ARHGAP12: variants seen among roughly 807,000 people sequenced by gnomAD.
The protein encoded by ARHGAP12 is Rho GTPase activating protein 12.
A neutral mutation model predicts 108.6 loss-of-function variants in ARHGAP12; 64 were observed. The ratio of observed to expected loss-of-function variants is 0.59; its 90% CI spans 0.48 to 0.73. The LOEUF (loss-of-function observed/expected upper bound fraction) is 0.73, where lower values mean the gene tolerates loss of function less well. Among genes scored for constraint, ARHGAP12 ranks in the 30% least tolerant of loss-of-function variants. The pLI, the probability that ARHGAP12 is intolerant of heterozygous loss-of-function variation, is 0.00. For missense variants in ARHGAP12, 940 were observed against 1,005.9 expected, an observed-to-expected ratio of 0.93 and a Z score of 0.89; for synonymous variants, 312 against 337.2, an observed-to-expected ratio of 0.93 and a Z score of 0.82.
chr10:31,845,375 A>G (rs1333461585), intron 6 of ARHGAP12, among the ~76,000 whole-genome samples: 1 of 152,184 alleles, frequency 6.6e-6, no homozygotes, highest in Non-Finnish European at 1.5e-5. Context: ...CGTGATAGAA[A>G]TGTTCTAGTC....
intron 3 of ARHGAP12, among the ~76,000 whole-genome samples, chr10:31,871,963 C>T (rs190795814): frequency 1.9e-3 from 291 of 152,308 alleles, no homozygotes; most frequent in African/African-American, 6.4e-3. Context: ...CATGCCCTCA[C>T]GCTCATCCTT....
At chr10:31,888,164 G>A (rs1460865147) in intron 3 of ARHGAP12, among the ~76,000 whole-genome samples, 1 of 152,130 alleles carries the variant, frequency 6.6e-6, no homozygotes, top group African/African-American at 2.4e-5. Flanking sequence ...CAGAAAAAGA[G>A]GATATGACAG....
At chr10:31,901,213 C>CAAA (rs59882437) in intron 3 of ARHGAP12, among the ~76,000 whole-genome samples, 1 of 118,388 alleles carries the variant, frequency 8.4e-6, no homozygotes, top group Non-Finnish European at 1.8e-5. Flanking sequence ...GAATCCGTCT[C>CAAA]AAAAAAAAAA....
At chr10:31,810,415 A>T (rs1027324612) in intron 16 of ARHGAP12, among the ~76,000 whole-genome samples, 3 of 152,312 alleles carry the variant, frequency 2.0e-5, no homozygotes, top group Admixed American at 6.5e-5. Context: ...AGAATAGCAT[A>T]TACTTAATTA....
intron 6 of ARHGAP12, among the ~76,000 whole-genome samples, chr10:31,844,817 A>C (rs543323821): frequency 6.6e-5 from 10 of 150,868 alleles, no homozygotes; most frequent in East Asian, 2.0e-4. Context: ...CAGGAACTCT[A>C]TCTCTCCTGT....
intron 6 of ARHGAP12, among the ~76,000 whole-genome samples, chr10:31,852,136 T>G (rs759388382): frequency 3.9e-5 from 6 of 152,334 alleles, no homozygotes; most frequent in Non-Finnish European, 5.9e-5. Flanking sequence ...TAAACTTGAA[T>G]ACTGAGTTAC....
At chr10:31,843,631 A>T in intron 6 of ARHGAP12, 45 bp from the exon 7 acceptor site, 1 of 1,519,676 alleles carries the variant, frequency 6.6e-7, no homozygotes. Flanking sequence ...GTTCATAAAC[A>T]ATAGAAATGA....
At chr10:31,822,645 C>T (rs1835457333) in intron 11 of ARHGAP12, among the ~76,000 whole-genome samples, 1 of 152,032 alleles carries the variant, frequency 6.6e-6, no homozygotes, top group Non-Finnish European at 1.5e-5. Context: ...CATGTCAGGC[C>T]CTTTACGATC....
chr10:31,904,500 G>A (rs72773113), intron 3 of ARHGAP12, among the ~76,000 whole-genome samples: 13,768 of 152,224 alleles, frequency 0.09, 758 homozygotes, highest in Middle Eastern at 0.14. Context: ...CAGGATTCCC[G>A]TGGTGATGGA....
intron 7 of ARHGAP12, 41 bp from the exon 8 acceptor site, chr10:31,839,752 A>G (rs1175405315): frequency 2.7e-6 from 4 of 1,487,172 alleles, no homozygotes; most frequent in South Asian, 2.4e-5. Context: ...TCTATTTTAT[A>G]TAATTATATT....
chr10:31,860,640 T>C (rs922486266), intron 4 of ARHGAP12, among the ~76,000 whole-genome samples: 1 of 152,208 alleles, frequency 6.6e-6, no homozygotes, highest in Non-Finnish European at 1.5e-5. Context: ...ATTTCCCTCA[T>C]ATATAAATAA....
At chr10:31,923,829 G>T (rs1430439176) in intron 1 of ARHGAP12, among the ~76,000 whole-genome samples, 2 of 152,192 alleles carry the variant, frequency 1.3e-5, no homozygotes, top group Non-Finnish European at 2.9e-5. Flanking sequence ...TTTTTGATGG[G>T]TGAAAGAAAT....
intron 1 of ARHGAP12, among the ~76,000 whole-genome samples, chr10:31,920,965 A>C (rs1004344896): frequency 1.3e-5 from 2 of 152,226 alleles, no homozygotes; most frequent in African/African-American, 4.8e-5. Flanking sequence ...ACACACTTCT[A>C]AATGAGTCAG....
intron 3 of ARHGAP12, among the ~76,000 whole-genome samples, chr10:31,875,999 T>C (rs1837714549): frequency 6.6e-6 from 1 of 152,222 alleles, no homozygotes; most frequent in South Asian, 2.1e-4. Context: ...GGCTGAATAA[T>C]ATTCCATTGT....
intron 3 of ARHGAP12, among the ~76,000 whole-genome samples, chr10:31,889,619 GTTTTTTTT>G (rs869116452): frequency 9.5e-4 from 63 of 66,446 alleles, no homozygotes; most frequent in Admixed American, 3.3e-3. Context: ...AATTTTTCTC[GTTTTTTTT>G]TTTTTTTTTT....
At chr10:31,887,274 T>G (rs1458960675) in intron 3 of ARHGAP12, among the ~76,000 whole-genome samples, 1 of 152,104 alleles carries the variant, frequency 6.6e-6, no homozygotes, top group Non-Finnish European at 1.5e-5. Context: ...ATTCACCAAA[T>G]TGGATGAGGC....
chr10:31,892,679 C>T (rs1448054425), intron 3 of ARHGAP12, among the ~76,000 whole-genome samples: 1 of 152,164 alleles, frequency 6.6e-6, no homozygotes, highest in Non-Finnish European at 1.5e-5. Flanking sequence ...CCACTGTCAA[C>T]GTTAGACAGA....
At chr10:31,896,000 A>C (rs1458421304) in intron 3 of ARHGAP12, among the ~76,000 whole-genome samples, 3 of 152,146 alleles carry the variant, frequency 2.0e-5, no homozygotes, top group Non-Finnish European at 4.4e-5. Flanking sequence ...CAAAAAACCA[A>C]ACACCGCATG....
At chr10:31,902,962 C>A (rs910950790) in intron 3 of ARHGAP12, among the ~76,000 whole-genome samples, 12 of 152,104 alleles carry the variant, frequency 7.9e-5, no homozygotes, top group African/African-American at 2.9e-4. Flanking sequence ...CTGAATAGAA[C>A]AACAGACTGA....
Sources: gnomAD v4.1 joint callset for allele counts (sites outside exome capture counted in the v4.1 genomes callset) on GRCh38, gnomAD v4.1.1 for gene constraint, MANE v1.5 for transcripts, NCBI Gene and HGNC (gene_info 2026-07-23, HGNC 2026-07-21) for gene names.